Variants in PAPSS1 observed in about 807,000 individuals in gnomAD.
The protein encoded by PAPSS1 is bifunctional 3'-phosphoadenosine 5'-phosphosulfate synthase 1.
In PAPSS1, 50 loss-of-function variants were observed where a neutral mutation model predicts 72.0. The ratio of observed to expected loss-of-function variants is 0.69; its 90% CI spans 0.55 to 0.88. PAPSS1 has a LOEUF of 0.88. Ranked by LOEUF, PAPSS1 falls within the 40% of genes least tolerant of loss-of-function variation. PAPSS1 has a pLI of 0.00. For synonymous variants in PAPSS1, 261 were observed against 263.6 expected (o/e 0.99, Z 0.09); for missense variants, 657 against 782.2 (o/e 0.84, Z 1.91).
intron 11 of PAPSS1, among the ~76,000 whole-genome samples, chr4:107,621,606 A>ATTTTTTTT (rs1382723816): frequency 7.9e-5 from 4 of 50,508 alleles, no homozygotes; most frequent in African/African-American, 2.1e-4. Context: ...CAGGTTTTTT[A>ATTTTTTTT]TCTTTTTTTT....
At chr4:107,648,139 C>A (rs1397636840) in intron 9 of PAPSS1, among the ~76,000 whole-genome samples, 2 of 152,134 alleles carry the variant, frequency 1.3e-5, no homozygotes, top group African/African-American at 4.8e-5. Context: ...ATCACCTAGT[C>A]CAGGAGCCAA....
chr4:107,703,795 C>T (rs1290177431), intron 1 of PAPSS1, among the ~76,000 whole-genome samples: 1 of 152,128 alleles, frequency 6.6e-6, no homozygotes, highest in Non-Finnish European at 1.5e-5. Flanking sequence ...ATACCTCCCG[C>T]TTTGTTATCT....
chr4:107,626,125 C>T (rs1002943054), intron 11 of PAPSS1, among the ~76,000 whole-genome samples: 1 of 150,892 alleles, frequency 6.6e-6, no homozygotes, highest in African/African-American at 2.4e-5. Context: ...TTGCAGTGAG[C>T]CGAGATAGCA....
At chr4:107,633,793 T>A (rs1051469915) in intron 10 of PAPSS1, among the ~76,000 whole-genome samples, 1 of 151,670 alleles carries the variant, frequency 6.6e-6, no homozygotes, top group Non-Finnish European at 1.5e-5. Flanking sequence ...GTGGCGGGTG[T>A]CTGTAGTCAC....
At chr4:107,671,961 T>C (rs1339071375) in intron 5 of PAPSS1, among the ~76,000 whole-genome samples, 3 of 152,048 alleles carry the variant, frequency 2.0e-5, no homozygotes, top group East Asian at 1.9e-4. Context: ...CTAACGCTGA[T>C]ATGGCAAATT....
At chr4:107,696,916 G>C (rs1241448326) in intron 2 of PAPSS1, among the ~76,000 whole-genome samples, 1 of 152,138 alleles carries the variant, frequency 6.6e-6, no homozygotes, top group Non-Finnish European at 1.5e-5. Context: ...GTCACATCAA[G>C]AGGTACTAAT....
At position 107,631,773 on chromosome 4, in the gene PAPSS1, T is replaced by C. The variant is rs1726231116; in HGVS notation, c.1594A>G (p.Thr532Ala). The change falls in exon 11 of 12, where the codon ACA becomes GCA. Residue 532 changes from threonine (T) to alanine (A), a missense_variant. Coordinates refer to ENST00000265174, the MANE Select transcript of PAPSS1 (RefSeq NM_005443.5). ...CTTGGCTCATAAAGATCCTTCCCTG[T>C]TTCTGGATGAGGCATGCCAGCAGGG... is the stretch of plus-strand genomic sequence containing the variant. ...RDPAGMPHPE[T>A]GKDLYEPSHG... 1 of 1,614,112 alleles carries C rather than the reference T, an allele frequency of 6.2e-7. No individual in the cohort carries two copies. Among genetic ancestry groups the C allele is most frequent in the Non-Finnish European group, 8.5e-7 (1 of 1,179,998 alleles).
chr4:107,709,752 C>T lies in PAPSS1; in HGVS notation c.61-8467G>A, dbSNP rs146767458. 3.3e-5 allele frequency among the ~76,000 whole-genome samples: 5 copies of T among 152,290 alleles called. No individual in the cohort carries two copies. The East Asian group carries it at 9.7e-4, about 29-fold the overall frequency. On this transcript the variant is annotated intron_variant, in intron 1 of 11. Coordinates refer to ENST00000265174, the MANE Select transcript of PAPSS1 (RefSeq NM_005443.5). ...AACACACTAGGACTATCTTCCACAC[C>T]CCTATGATTACATCCCCAACGAACT...
intron 5 of PAPSS1, among the ~76,000 whole-genome samples, chr4:107,672,770 AG>A (rs1727523633): frequency 6.6e-6 from 1 of 152,214 alleles, no homozygotes; most frequent in Non-Finnish European, 1.5e-5. Context: ...GACTGCCTCA[AG>A]TGGGTCCCTG....
chr4:107,631,361 T>C (rs2110302182), intron 11 of PAPSS1, among the ~76,000 whole-genome samples: 1 of 152,350 alleles, frequency 6.6e-6, no homozygotes, highest in Non-Finnish European at 1.5e-5. Flanking sequence ...TTATGCTCAG[T>C]AAGCTATAGC....
intron 4 of PAPSS1, among the ~76,000 whole-genome samples, chr4:107,686,819 C>G (rs539734684): frequency 2.0e-5 from 3 of 152,184 alleles, no homozygotes. Flanking sequence ...CCAACTCTGG[C>G]TAGTGAACAG....
chr4:107,657,986 G>C (rs1727064754), intron 6 of PAPSS1, among the ~76,000 whole-genome samples: 1 of 152,092 alleles, frequency 6.6e-6, no homozygotes, highest in Non-Finnish European at 1.5e-5. Flanking sequence ...CTGGAGAAAA[G>C]GCTGAATCCA....
At chr4:107,694,235 A>C (rs1723012667) in intron 2 of PAPSS1, 1 of 481,346 alleles carries the variant, frequency 2.1e-6, no homozygotes, top group Non-Finnish European at 3.7e-6. Context: ...TTATTTTATT[A>C]TTTGTAGAGA....
intron 1 of PAPSS1, among the ~76,000 whole-genome samples, chr4:107,717,766 T>G (rs1723675338): frequency 1.3e-5 from 2 of 152,148 alleles, no homozygotes; most frequent in Admixed American, 6.5e-5. Context: ...TCCACACAGG[T>G]AACAACCTTT....
intron 1 of PAPSS1, 133 bp from the exon 2 acceptor site, chr4:107,701,418 T>C (rs1302229585): frequency 2.4e-5 from 14 of 581,238 alleles, no homozygotes; most frequent in African/African-American, 1.5e-4. Flanking sequence ...TTTTTTTTTT[T>C]CCTTAGAGTA....
At chr4:107,682,462 CTG>C (rs1325319026) in intron 4 of PAPSS1, among the ~76,000 whole-genome samples, 1 of 152,198 alleles carries the variant, frequency 6.6e-6, no homozygotes, top group Non-Finnish European at 1.5e-5. Flanking sequence ...TCGCTGGGAA[CTG>C]TGTCAGGTGT....
At chr4:107,622,274 T>A (rs1412407651) in intron 11 of PAPSS1, among the ~76,000 whole-genome samples, 1 of 152,160 alleles carries the variant, frequency 6.6e-6, no homozygotes, top group Non-Finnish European at 1.5e-5. Flanking sequence ...AGAGTACTGC[T>A]CTGTCTTCAA....
intron 3 of PAPSS1, among the ~76,000 whole-genome samples, chr4:107,688,773 C>A (rs1722848525): frequency 6.6e-6 from 1 of 152,168 alleles, no homozygotes; most frequent in South Asian, 2.1e-4. Context: ...AAGCTTGAAC[C>A]CTGACCTCTG....
chr4:107,677,663 G>T (rs1727691448), intron 5 of PAPSS1, among the ~76,000 whole-genome samples: 1 of 152,102 alleles, frequency 6.6e-6, no homozygotes, highest in Non-Finnish European at 1.5e-5. Flanking sequence ...AAATACCATT[G>T]GACCCAACAA....
Sources: gnomAD v4.1 joint callset for allele counts (sites outside exome capture counted in the v4.1 genomes callset) on GRCh38, gnomAD v4.1.1 for gene constraint, MANE v1.5 for transcripts, NCBI Gene and HGNC (gene_info 2026-07-23, HGNC 2026-07-21) for gene names.